Variants in NF2 observed in about 807,000 individuals in gnomAD.
NF2 encodes the protein NF2, moesin-ezrin-radixin like (MERLIN) tumor suppressor, also known as merlin.
A neutral mutation model predicts 83.7 loss-of-function variants in NF2; 8 were observed. That is an observed-to-expected ratio of 0.10 (90% CI 0.06 to 0.17). The LOEUF is 0.17. NF2 is among the 10% of genes least tolerant of loss of function. The pLI is 1.00. For synonymous variants in NF2, 266 were observed against 269.6 expected (o/e 0.99, Z 0.13); for missense variants, 533 against 744.4 (o/e 0.72, Z 3.31).
chr22:29,656,584 T>C (rs1427535185), intron 6 of NF2, among the ~76,000 whole-genome samples: 1 of 151,874 alleles, frequency 6.6e-6, no homozygotes, highest in East Asian at 1.9e-4. Context: ...GGCTAATTTT[T>C]TGTGTTTTTA....
chr22:29,694,660 A>G lies in NF2; in HGVS notation c.1738-92A>G. 7.3e-7 allele frequency: 1 copy of G among 1,361,954 alleles called. No individual in the cohort carries two copies. Among genetic ancestry groups the G allele is most frequent in the Admixed American group, 1.9e-5 (1 of 53,318 alleles). 84.4% of individuals were successfully genotyped at this position (1,361,954 alleles called of 1,614,324 possible). A position where few individuals can be genotyped will look rare whatever the true frequency, so the allele number is the denominator to read the frequency against. The stretch of plus-strand genomic sequence containing the variant: ...ACAGCCTTCCCTTTCGCTCCCAGCC[A>G]CCTTTGAGGTGAGTCCAAGTGGCAG... On this transcript the variant is annotated intron_variant, in intron 15 of 15. Coordinates refer to ENST00000338641, the MANE Select transcript of NF2 (RefSeq NM_000268.4). The surrounding 1 kb of genome is among the most constrained non-coding windows in gnomAD (Gnocchi z 4.1).
At chr22:29,604,940 T>C (rs2146666566) in intron 1 of NF2, among the ~76,000 whole-genome samples, 1 of 152,320 alleles carries the variant, frequency 6.6e-6, no homozygotes, top group Admixed American at 6.5e-5. Flanking sequence ...GCATGACAGC[T>C]TAAGGAACCC....
At chr22:29,665,755 G>GAAAAAA in intron 9 of NF2, among the ~76,000 whole-genome samples, 1 of 104,924 alleles carries the variant, frequency 9.5e-6, no homozygotes, top group African/African-American at 3.5e-5. Flanking sequence ...ACAAGGTCAG[G>GAAAAAA]AAAAAAAAAA....
intron 6 of NF2, 21 bp downstream of exon 6, chr22:29,655,697 G>A (rs1217815036): frequency 2.6e-6 from 4 of 1,551,990 alleles, no homozygotes; most frequent in Non-Finnish European, 3.5e-6. Context: ...TTCATTGTTG[G>A]TTTACATTCC....
intron 5 of NF2, among the ~76,000 whole-genome samples, chr22:29,655,130 C>T (rs1241069600): frequency 6.6e-6 from 1 of 152,118 alleles, no homozygotes; most frequent in Non-Finnish European, 1.5e-5. Flanking sequence ...TCATCTTATT[C>T]ATTAGCCACA....
intron 13 of NF2, among the ~76,000 whole-genome samples, chr22:29,677,258 C>T (rs1467655065): frequency 3.9e-5 from 6 of 152,170 alleles, no homozygotes; most frequent in African/African-American, 1.2e-4. Context: ...AAAGGGTTGC[C>T]GGCTGGCTGG....
rs2146973971 is a variant in NF2, at chr22:29,655,673, C to T, written c.596C>T (p.Ala199Val). ...TAWYAEHRGR[A>V]RDEAEMEYLK... ...TGGTACGCAGAGCACCGAGGCCGAG[C>T]CAGGTGAGGCCCATTCATTGTTGGT... The change falls in exon 6 of 16, where the codon GCC becomes GTC. Residue 199 changes from alanine (A) to valine (V), a missense_variant. Around this residue, in one of 3 missense-constraint regions of NF2, gnomAD observed 326 missense variants for 475.1 expected, o/e 0.69. Coordinates refer to ENST00000338641, the MANE Select transcript of NF2 (RefSeq NM_000268.4). 1 of 1,611,716 alleles carries T rather than the reference C, an allele frequency of 6.2e-7. No individual in the cohort carries two copies. The highest frequency in any genetic ancestry group is 8.5e-7 in the Non-Finnish European group (1 of 1,179,190).
chr22:29,674,869 G>T lies in NF2; in HGVS notation c.1374G>T (p.Leu458=), dbSNP rs747252414. 1 of 1,568,572 alleles carries T rather than the reference G, an allele frequency of 6.4e-7. No homozygotes were observed. Among genetic ancestry groups the T allele is most frequent in the Non-Finnish European group, 8.7e-7 (1 of 1,155,842 alleles). ...AGGCAGATCAGCTGAAGCAGGACCT[G>T]CAGGAAGCACGCGAGGCGGAGCGAA... ...AKEADQLKQD[L]QEAREAERRA... is the part of the protein sequence containing the mutation. The change falls in exon 13 of 16, where the codon CTG becomes CTT. Residue 458 remains leucine, a synonymous_variant. Transcript: ENST00000338641.
intron 4 of NF2, among the ~76,000 whole-genome samples, chr22:29,642,524 C>T (rs867793821): frequency 1.3e-5 from 2 of 151,738 alleles, no homozygotes; most frequent in Admixed American, 6.6e-5. Flanking sequence ...TTATAAGTAT[C>T]GTTCTAATGA....
rs889454069 is a variant in NF2, at chr22:29,694,909, G to A, written c.*107G>A. 23 of 1,204,314 alleles carry A rather than the reference G, an allele frequency of 1.9e-5. No homozygotes were observed. In the Admixed American group the frequency reaches 2.6e-4, roughly 13 times the overall value. 74.6% of individuals were successfully genotyped at this position (1,204,314 alleles called of 1,614,324 possible). ...CATAGGGAGCTGGCTGGGGGTTTCC[G>A]TGGGAGCTCCAGAACTTTCCCCAGC... On this transcript the variant is annotated 3_prime_UTR_variant, in exon 16 of 16. Coordinates refer to ENST00000338641, the MANE Select transcript of NF2 (RefSeq NM_000268.4). The surrounding 1 kb of genome is among the most constrained non-coding windows in gnomAD (Gnocchi z 4.1).
At position 29,636,492 on chromosome 22, in the gene NF2, G is replaced by A. The variant is rs2065650383; in HGVS notation, c.115-259G>A. ...CAGCTTTCCTAAATTAGCAGCTTTG[G>A]AGATGTTAAAATCCGTAAGGAACTG... On this transcript the variant is annotated intron_variant, in intron 1 of 15. Coordinates refer to ENST00000338641, the MANE Select transcript of NF2 (RefSeq NM_000268.4). The surrounding 1 kb of genome is among the most constrained non-coding windows in gnomAD (Gnocchi z 4.4). Among the ~76,000 whole-genome samples, 1 of 152,172 alleles carries A rather than the reference G, an allele frequency of 6.6e-6. No homozygotes were observed. The highest frequency in any genetic ancestry group is 1.5e-5 in the Non-Finnish European group (1 of 68,042).
At chr22:29,616,000 A>G (rs1190185657) in intron 1 of NF2, among the ~76,000 whole-genome samples, 1 of 152,236 alleles carries the variant, frequency 6.6e-6, no homozygotes, top group African/African-American at 2.4e-5. Flanking sequence ...ATAAAATAGA[A>G]TGAAGTACCA....
intron 15 of NF2, among the ~76,000 whole-genome samples, chr22:29,686,484 A>G (rs1325241620): frequency 2.0e-5 from 3 of 152,202 alleles, no homozygotes; most frequent in Non-Finnish European, 4.4e-5. Flanking sequence ...TACCAAAAAT[A>G]CAAAATTTGC....
intron 1 of NF2, among the ~76,000 whole-genome samples, chr22:29,608,009 C>G (rs1443141524): frequency 6.6e-6 from 1 of 150,652 alleles, no homozygotes; most frequent in African/African-American, 2.4e-5. Flanking sequence ...CCCGTCTCTG[C>G]TAAAAATACA....
intron 6 of NF2, 23 bp from the exon 7 acceptor site, chr22:29,658,166 A>G (rs1701977299): frequency 6.2e-7 from 1 of 1,611,500 alleles, no homozygotes; most frequent in Non-Finnish European, 8.5e-7. Flanking sequence ...CTCCAATGAC[A>G]GTGTCTTCCG....
chr22:29,643,651 T>G (rs536298259), intron 4 of NF2, among the ~76,000 whole-genome samples: 1 of 152,238 alleles, frequency 6.6e-6, no homozygotes, highest in South Asian at 2.1e-4. Flanking sequence ...AGAATTTTTC[T>G]TAGTACAGAA....
intron 15 of NF2, chr22:29,682,868 A>C (rs929966106): frequency 3.6e-6 from 3 of 841,794 alleles, no homozygotes; most frequent in Non-Finnish European, 5.9e-6. Context: ...GCAGTGTGAG[A>C]GCTGGAGAGA....
chr22:29,610,163 C>T (rs1432727626), intron 1 of NF2, among the ~76,000 whole-genome samples: 1 of 151,808 alleles, frequency 6.6e-6, no homozygotes, highest in Non-Finnish European at 1.5e-5. Context: ...CATAGAGAGA[C>T]CCCAACTCTA....
At chr22:29,692,172 C>G (rs375610287) in intron 15 of NF2, among the ~76,000 whole-genome samples, 26 of 152,162 alleles carry the variant, frequency 1.7e-4, no homozygotes, top group Non-Finnish European at 3.1e-4. Context: ...TCGTGGCTGC[C>G]TCCAGCTGGT....
Sources: gnomAD v4.1 joint callset for allele counts (sites outside exome capture counted in the v4.1 genomes callset) on GRCh38, gnomAD v4.1.1 for gene constraint, gnomAD v4.1.1 regional missense constraint, Gnocchi (gnomAD v3.1) non-coding constraint, MANE v1.5 for transcripts, NCBI Gene and HGNC (gene_info 2026-07-23, HGNC 2026-07-21) for gene names.